SYNE2: variants seen among roughly 807,000 people sequenced by gnomAD.
SYNE2 encodes the protein spectrin repeat containing nuclear envelope protein 2, also known as nesprin-2.
A neutral mutation model predicts 856.3 loss-of-function variants in SYNE2; 431 were observed. That is an observed-to-expected ratio of 0.50 (90% confidence interval 0.47 to 0.55). The LOEUF (loss-of-function observed/expected upper bound fraction) is 0.55, where lower values mean the gene tolerates loss of function less well. Ranked by LOEUF, SYNE2 falls within the 20% of genes least tolerant of loss-of-function variation. SYNE2 has a pLI of 0.00. For missense variants in SYNE2, 8,129 were observed against 8,023.2 expected (o/e 1.01, Z -0.50); for synonymous variants, 2,923 against 2,872.3 (o/e 1.02, Z -0.56).
chr14:64,187,752 G>A (rs1018952902), intron 97 of SYNE2, among the ~76,000 whole-genome samples: 2 of 152,118 alleles, frequency 1.3e-5, no homozygotes, highest in African/African-American at 2.4e-5. Flanking sequence ...AGAACTCTTA[G>A]CCACCCCTTT....
chr14:63,788,999 T>C (rs949585094), intron 1 of SYNE2, among the ~76,000 whole-genome samples: 12 of 152,194 alleles, frequency 7.9e-5, no homozygotes, highest in Non-Finnish European at 2.9e-5. Context: ...GAAAATGTGG[T>C]GTATATATAC....
intron 8 of SYNE2, among the ~76,000 whole-genome samples, chr14:63,957,603 C>T (rs1595875949): frequency 6.6e-6 from 1 of 151,810 alleles, no homozygotes; most frequent in Admixed American, 6.6e-5. Context: ...CAGCGGGGCA[C>T]TGTAGCTCAT....
chr14:64,080,333 T>C, intron 55 of SYNE2, 123 bp from the exon 56 acceptor site: 1 of 1,000,880 alleles, frequency 1.0e-6, no homozygotes, highest in Admixed American at 1.7e-5. Context: ...CAACTGTTCA[T>C]GTGATGTTGT....
intron 43 of SYNE2, 31 bp from the exon 44 acceptor site, chr14:64,029,864 A>C: frequency 6.2e-7 from 1 of 1,604,466 alleles, no homozygotes; most frequent in Non-Finnish European, 8.5e-7. Context: ...GAGAGAAATA[A>C]TTTGTAAATT....
rs759731818 is a variant in SYNE2, at chr14:64,186,503, T to C, written c.17636T>C (p.Val5879Ala). ...ATGAAGGCGGACTTAACCCGGCACGTTCTCGTGGAAGATGTGATGGTTTTG... is the reference window on the plus strand; with the variant it reads ...ATGAAGGCGGACTTAACCCGGCACGCTCTCGTGGAAGATGTGATGGTTTTG... Reference protein sequence around the residue: ...QTMKADLTRHVLVEDVMVLKE... With the variant: ...QTMKADLTRHALVEDVMVLKE... Residue 5879 changes from valine (V) to alanine (A), a missense_variant, in exon 97 of 116, where the codon GTT (valine) becomes GCT (alanine). Physicochemically the swap from Val to Ala is moderately conservative, Grantham distance 64. Coordinates refer to ENST00000555002, the MANE Select transcript of SYNE2 (RefSeq NM_182914.3). 4.3e-6 allele frequency: 7 copies of C among 1,614,096 alleles called. No individual in the cohort carries two copies. In the African/African-American group the frequency reaches 9.3e-5, roughly 22 times the overall value.
Position 64,214,406 on chromosome 14 carries a change from C to T in SYNE2, c.19269C>T (p.Gly6423=), listed in dbSNP as rs145411822. ...DSIPLEWDHT[G]DVGGSSSHEE... is the part of the protein sequence containing the mutation. ...TCCCCCTGGAGTGGGACCACACAGG[C>T]GACGTGGGGGGCTCCTCCTCTCACG... Residue 6423 remains glycine (G), a synonymous_variant, in exon 106 of 116, where the codon GGC becomes GGT. Coordinates refer to ENST00000555002, the MANE Select transcript of SYNE2 (RefSeq NM_182914.3). The T allele has an allele frequency of 1.1e-5, 18 of 1,613,980 alleles. No homozygotes were observed. Among genetic ancestry groups the T allele is most frequent in the Middle Eastern group, 1.6e-4 (1 of 6,080 alleles).
intron 1 of SYNE2, among the ~76,000 whole-genome samples, chr14:63,783,265 G>GTATC (rs1241987676): frequency 6.6e-6 from 1 of 152,176 alleles, no homozygotes; most frequent in Non-Finnish European, 1.5e-5. Context: ...TGTGAAGAGG[G>GTATC]TATCTTGCTT....
intron 45 of SYNE2, among the ~76,000 whole-genome samples, chr14:64,034,268 C>T (rs1224490180): frequency 2.0e-5 from 3 of 152,050 alleles, no homozygotes; most frequent in Non-Finnish European, 4.4e-5. Context: ...TCATTAAAAA[C>T]ACTACTTGAG....
intron 11 of SYNE2, among the ~76,000 whole-genome samples, chr14:63,969,726 G>A (rs910680016): frequency 6.6e-6 from 1 of 151,904 alleles, no homozygotes; most frequent in Admixed American, 6.6e-5. Context: ...GGGCGATTAC[G>A]TTGCTTCCAA....
Position 64,118,517 on chromosome 14 carries a change from C to T in SYNE2, c.12841-910C>T, listed in dbSNP as rs527317927. Among the ~76,000 whole-genome samples the T allele has an allele frequency of 1.5e-4, 23 of 152,240 alleles. No individual in the cohort carries two copies. The South Asian group carries it at 2.1e-3, about 14-fold the overall frequency. On this transcript the variant is annotated intron_variant, in intron 66 of 115. Transcript: ENST00000555002. ...AAGGGAAATAATTTTCAAACAGTTA[C>T]GTGGAATTCTTTTTTAAATTCCTAC...
chr14:63,979,156 A>G (rs895009003), intron 14 of SYNE2, 142 bp downstream of exon 14: 4 of 811,970 alleles, frequency 4.9e-6, no homozygotes, highest in Admixed American at 2.1e-5. Context: ...TAAATATTGC[A>G]TGGAGAAAAG....
chr14:63,783,218 G>A (rs1017558381), intron 1 of SYNE2, among the ~76,000 whole-genome samples: 1 of 152,160 alleles, frequency 6.6e-6, no homozygotes, highest in African/African-American at 2.4e-5. Context: ...TAAGTGTTTG[G>A]TAGTTCCTCC....
chr14:63,990,664 G>C (rs1260497262), intron 20 of SYNE2, 95 bp downstream of exon 20: 22 of 1,121,354 alleles, frequency 2.0e-5, no homozygotes, highest in Non-Finnish European at 2.5e-5. Context: ...CCTGTAGCTT[G>C]GAAATGTTTT....
chr14:63,833,469 T>C (rs193000819), intron 1 of SYNE2, among the ~76,000 whole-genome samples: 6 of 152,308 alleles, frequency 3.9e-5, no homozygotes, highest in Admixed American at 2.6e-4. Context: ...GCCAGACATA[T>C]AACAGACCAA....
intron 41 of SYNE2, 104 bp from the exon 42 acceptor site, chr14:64,026,475 C>T (rs185443492): frequency 3.2e-4 from 284 of 879,266 alleles, no homozygotes; most frequent in South Asian, 5.6e-4. Flanking sequence ...TTGAAATATA[C>T]CCTACAGATA....
intron 47 of SYNE2, among the ~76,000 whole-genome samples, chr14:64,050,081 C>T (rs1353885251): frequency 7.3e-5 from 11 of 151,712 alleles, no homozygotes; most frequent in Non-Finnish European, 1.5e-5. Context: ...TGATAAAAAA[C>T]AAAATTATTT....
intron 101 of SYNE2, 56 bp from the exon 102 acceptor site, chr14:64,209,372 G>A (rs1236345711): frequency 3.1e-6 from 5 of 1,613,866 alleles, no homozygotes; most frequent in Admixed American, 1.7e-5. Flanking sequence ...TAAAAGAAGT[G>A]CAAAAGCACA....
Position 64,221,640 on chromosome 14 carries a change from A to G in SYNE2, c.20126A>G (p.Lys6709Arg), listed in dbSNP as rs536421620. ...GCGAGTGCCAAGAACCGGAGGCAGA[A>G]GGCTCATGTCACCGATCCAAAGGCA... ...WLASAKNRRQ[K>R]AHVTDPKADP... is the part of the protein sequence containing the mutation. The change falls in exon 112 of 116, where the codon AAG becomes AGG. Residue 6709 changes from lysine to arginine, a missense_variant. Physicochemically the swap from Lys to Arg is conservative, Grantham distance 26 (BLOSUM62 2). This residue lies in a region of SYNE2 where 5,410 missense variants were observed against 5,284.8 expected (regional missense o/e 1.02). Transcript: ENST00000555002. 3 of 1,614,168 alleles carry G rather than the reference A, an allele frequency of 1.9e-6. No individual in the cohort carries two copies. The South Asian group carries it at 3.3e-5, about 18-fold the overall frequency.
chr14:63,834,647 T>TC (rs1889785687), intron 1 of SYNE2, among the ~76,000 whole-genome samples: 1 of 148,400 alleles, frequency 6.7e-6, no homozygotes, highest in Non-Finnish European at 1.5e-5. Flanking sequence ...TTCTTTCTTT[T>TC]TTTTTTTTTT....
Sources: gnomAD v4.1 joint callset for allele counts (sites outside exome capture counted in the v4.1 genomes callset) on GRCh38, gnomAD v4.1.1 for gene constraint, gnomAD v4.1.1 regional missense constraint, MANE v1.5 for transcripts, NCBI Gene and HGNC (gene_info 2026-07-23, HGNC 2026-07-21) for gene names.